Variants in ADAMTSL1 observed in about 807,000 individuals in gnomAD.
ADAMTSL1 encodes ADAMTS like 1.
A neutral mutation model predicts 201.8 loss-of-function variants in ADAMTSL1; 126 were observed. The observed-to-expected ratio is 0.62, with a 90% CI of 0.54 to 0.72. The LOEUF (loss-of-function observed/expected upper bound fraction) is 0.72. Ranked by LOEUF, ADAMTSL1 falls within the 30% of genes least tolerant of loss-of-function variation. ADAMTSL1 has a pLI of 0.00. For synonymous variants in ADAMTSL1, 1,121 were observed against 903.4 expected (o/e 1.24, Z -4.32); for missense variants, 2,679 against 2,277.8 (o/e 1.18, Z -3.59).
intron 2 of ADAMTSL1, among the ~76,000 whole-genome samples, chr9:18,202,155 A>G (rs1024956630): frequency 1.3e-5 from 2 of 152,158 alleles, no homozygotes; most frequent in Non-Finnish European, 2.9e-5. Flanking sequence ...TCCCAGACAA[A>G]CACAAAGTCA....
chr9:18,333,676 G>T (rs904919036), intron 2 of ADAMTSL1, among the ~76,000 whole-genome samples: 1 of 152,032 alleles, frequency 6.6e-6, no homozygotes, highest in Admixed American at 6.6e-5. Flanking sequence ...TACAATATTT[G>T]GTCAGAGAAT....
At position 18,828,687 on chromosome 9, in the gene ADAMTSL1, TATATATAA is replaced by T. The variant is rs1563836062; in HGVS notation, c.4115-1154_4115-1147del. On this transcript the variant is annotated intron_variant, in intron 22 of 28. Transcript: ENST00000380548. ...ATATATATATATATATATATATATA[TATATATAA>T]AATGTGTGTGTGTGTATATATATAT... 9.0e-3 allele frequency among the ~76,000 whole-genome samples: 982 copies of T among 108,536 alleles called. 65 individuals carry two copies. The highest frequency in any genetic ancestry group is 0.038 in the African/African-American group (878 of 23,020). 71.2% of individuals were successfully genotyped at this position (108,536 alleles called of 152,430 possible). A position where few individuals can be genotyped will look rare whatever the true frequency, so the allele number is the denominator to read the frequency against.
chr9:18,841,429 T>A (rs1303113024), intron 23 of ADAMTSL1, among the ~76,000 whole-genome samples: 1 of 152,176 alleles, frequency 6.6e-6, no homozygotes, highest in African/African-American at 2.4e-5. Flanking sequence ...TGCTGCTGGA[T>A]TCGGTTTGCC....
rs1048312591 is a variant in ADAMTSL1, at chr9:17,920,858, A to T, written c.87+13936A>T. ...AAACAAATGATTGTGACTGTGTTCC[A>T]ATAAACTATTTACAAAACCAGGCAA... is the stretch of plus-strand genomic sequence containing the variant. On this transcript the variant is annotated intron_variant, in intron 1 of 29. Coordinates refer to the ADAMTSL1 transcript ENST00000680146. 1.5e-4 allele frequency among the ~76,000 whole-genome samples: 23 copies of T among 152,212 alleles called. 1 individual carries two copies. Among genetic ancestry groups the T allele is most frequent in the Admixed American group, 1.4e-3 (22 of 15,286 alleles).
At chr9:18,567,979 T>C (rs1822038790) in intron 3 of ADAMTSL1, among the ~76,000 whole-genome samples, 1 of 152,184 alleles carries the variant, frequency 6.6e-6, no homozygotes, top group South Asian at 2.1e-4. Context: ...CTATTATAAC[T>C]CTACTATAAC....
At chr9:18,182,787 C>T (rs1002686878) in intron 2 of ADAMTSL1, among the ~76,000 whole-genome samples, 4 of 152,108 alleles carry the variant, frequency 2.6e-5, no homozygotes, top group African/African-American at 7.2e-5. Context: ...AGGTTACATG[C>T]TTTGTAGGTA....
intron 1 of ADAMTSL1, among the ~76,000 whole-genome samples, chr9:17,969,648 C>T (rs1345809998): frequency 1.3e-5 from 2 of 151,950 alleles, no homozygotes; most frequent in Admixed American, 6.6e-5. Flanking sequence ...GAGCAGTATA[C>T]TAAATGAGCT....
chr9:17,922,940 C>T (rs547699719), intron 1 of ADAMTSL1, among the ~76,000 whole-genome samples: 4 of 152,152 alleles, frequency 2.6e-5, no homozygotes, highest in South Asian at 2.1e-4. Flanking sequence ...CCAACCCTTA[C>T]GCCCCTCGTG....
chr9:18,151,663 C>T (rs761314194), intron 1 of ADAMTSL1, among the ~76,000 whole-genome samples: 10 of 151,954 alleles, frequency 6.6e-5, no homozygotes, highest in Non-Finnish European at 1.0e-4. Flanking sequence ...GGTTAGGGCC[C>T]CTGGCCTTGG....
chr9:18,905,928 A>G, intron 27 of ADAMTSL1, 37 bp downstream of exon 27: 1 of 1,513,438 alleles, frequency 6.6e-7, no homozygotes, highest in Non-Finnish European at 9.1e-7. Flanking sequence ...TCCCAGCCCC[A>G]TGTCAACAGC....
chr9:18,840,710 G>C (rs144662739), intron 23 of ADAMTSL1, among the ~76,000 whole-genome samples: 24,790 of 149,636 alleles, frequency 0.17, 2,719 homozygotes, highest in Non-Finnish European at 0.24. Context: ...CTTTTATTTC[G>C]TTGAGCAGTG....
intron 2 of ADAMTSL1, among the ~76,000 whole-genome samples, chr9:18,293,456 G>C (rs1833352131): frequency 6.6e-6 from 1 of 152,216 alleles, no homozygotes; most frequent in South Asian, 2.1e-4. Flanking sequence ...TAGACCAGCA[G>C]TCATCATCTT....
intron 2 of ADAMTSL1, among the ~76,000 whole-genome samples, chr9:18,430,003 T>A: frequency 6.6e-6 from 1 of 152,110 alleles, no homozygotes; most frequent in African/African-American, 2.4e-5. Context: ...TTGGCCAGGC[T>A]GGTCTCAAAC....
chr9:18,136,595 C>T (rs971537500), intron 1 of ADAMTSL1, among the ~76,000 whole-genome samples: 1 of 151,896 alleles, frequency 6.6e-6, no homozygotes, highest in Non-Finnish European at 1.5e-5. Flanking sequence ...TTGTGGAAGT[C>T]AACTTGGGCT....
Position 18,079,521 on chromosome 9 carries a change from AAC to A in ADAMTSL1, c.88-84337_88-84336del, listed in dbSNP as rs1165893088. On this transcript the variant is annotated intron_variant, in intron 1 of 29. Transcript: ENST00000680146. ...CACGGTGAAACCCCGTCTCTACTAA[AAC>A]ACAGAAAAATTAGCCGGGCATGGTG... is the stretch of plus-strand genomic sequence containing the variant. 2.0e-4 allele frequency among the ~76,000 whole-genome samples: 30 copies of A among 151,894 alleles called. 1 individual carries two copies. The highest frequency in any genetic ancestry group is 2.0e-3 in the Admixed American group (30 of 15,240).
intron 4 of ADAMTSL1, among the ~76,000 whole-genome samples, chr9:18,621,020 C>T (rs997564073): frequency 1.3e-5 from 2 of 152,122 alleles, no homozygotes; most frequent in Non-Finnish European, 2.9e-5. Flanking sequence ...AGCCTCAATC[C>T]TCTGGTCATA....
chr9:18,220,618 C>T (rs901904606), intron 2 of ADAMTSL1, among the ~76,000 whole-genome samples: 26 of 152,098 alleles, frequency 1.7e-4, no homozygotes, highest in African/African-American at 6.0e-4. Context: ...TGAATACTGG[C>T]ATGTTTTGAT....
chr9:18,546,069 A>G (rs139630032), intron 3 of ADAMTSL1, among the ~76,000 whole-genome samples: 2 of 152,312 alleles, frequency 1.3e-5, no homozygotes, highest in South Asian at 2.1e-4. Context: ...CTATCATTCT[A>G]GCAGTCTTGT....
Position 18,156,566 on chromosome 9 carries a change from ACT to A in ADAMTSL1, c.88-7291_88-7290del, listed in dbSNP as rs375922289. Among the ~76,000 whole-genome samples, 56 of 151,792 alleles carry A rather than the reference ACT, an allele frequency of 3.7e-4. No homozygotes were observed. In the East Asian group the frequency reaches 7.4e-3, roughly 20 times the overall value. On this transcript the variant is annotated intron_variant, in intron 1 of 29. Transcript: ENST00000680146. ...ACATTCTCCTCCAGTTAACTGTTCA[ACT>A]CTCTGTTTTAATTCTTGGCATCGAA...
Sources: allele counts gnomAD v4.1 joint callset (sites outside exome capture counted in the v4.1 genomes callset), GRCh38; gene constraint gnomAD v4.1.1; transcripts MANE v1.5; gene names NCBI Gene and HGNC (gene_info 2026-07-23, HGNC 2026-07-21).